The following CSMD1 variants were observed in gnomAD, a reference collection of about 807,000 sequenced individuals.
The protein encoded by CSMD1 is CUB and Sushi multiple domains 1, also known as CUB and sushi domain-containing protein 1.
A neutral mutation model predicts 417.5 loss-of-function variants in CSMD1; 213 were observed. The ratio of observed to expected loss-of-function variants is 0.51; its 90% CI spans 0.46 to 0.57. The LOEUF (loss-of-function observed/expected upper bound fraction) is 0.57. Ranked by LOEUF, CSMD1 falls within the 20% of genes least tolerant of loss-of-function variation. The pLI is 0.00. For missense variants in CSMD1, 6,923 were observed against 4,529.7 expected (o/e 1.53, Z -15.17); for synonymous variants, 2,862 against 1,736.8 (o/e 1.65, Z -16.11).
intron 2 of CSMD1, among the ~76,000 whole-genome samples, chr8:4,595,397 A>T (rs1055438719): frequency 1.9e-5 from 1 of 53,168 alleles, no homozygotes; most frequent in Admixed American, 2.1e-4. Context: ...CATTCCATCC[A>T]TCCAAATAAT....
At chr8:3,520,019 C>CATATAT (rs1491479503) in intron 10 of CSMD1, among the ~76,000 whole-genome samples, 10 of 113,960 alleles carry the variant, frequency 8.8e-5, no homozygotes, top group African/African-American at 3.2e-4. Flanking sequence ...TGTGTATATA[C>CATATAT]CTATATATAT....
intron 47 of CSMD1, 115 bp downstream of exon 47, chr8:3,096,734 G>A: frequency 1.3e-6 from 1 of 760,822 alleles, no homozygotes; most frequent in Non-Finnish European, 2.1e-6. Flanking sequence ...TTTGCTTTGG[G>A]AAAACATAAG....
At chr8:4,336,389 G>C (rs1207394754) in intron 3 of CSMD1, among the ~76,000 whole-genome samples, 2 of 152,102 alleles carry the variant, frequency 1.3e-5, no homozygotes, top group Non-Finnish European at 2.9e-5. Flanking sequence ...GACTAGGCGT[G>C]ACCCATGGCC....
intron 1 of CSMD1, among the ~76,000 whole-genome samples, chr8:4,895,884 C>T (rs1235195394): frequency 6.6e-6 from 1 of 151,966 alleles, no homozygotes; most frequent in Non-Finnish European, 1.5e-5. Context: ...TGTTACTTCC[C>T]CTGTTGTAAA....
chr8:3,373,771 G>A (rs148590152), intron 18 of CSMD1: 7 of 152,212 alleles, frequency 4.6e-5, no homozygotes, highest in African/African-American at 1.4e-4. Flanking sequence ...TGTCCTTAAT[G>A]CTATAATTTC....
chr8:3,289,737 G>T (rs1489620894), intron 25 of CSMD1, among the ~76,000 whole-genome samples: 3 of 147,310 alleles, frequency 2.0e-5, no homozygotes, highest in South Asian at 2.1e-4. Context: ...CCCTTTGTCA[G>T]ATGAGGAGGT....
intron 6 of CSMD1, among the ~76,000 whole-genome samples, chr8:3,710,758 T>G (rs531520069): frequency 6.6e-5 from 10 of 152,222 alleles, no homozygotes; most frequent in Admixed American, 2.0e-4. Context: ...CCATCTGAGA[T>G]AGGAATTATG....
intron 18 of CSMD1, among the ~76,000 whole-genome samples, chr8:3,377,429 T>C (rs541834413): frequency 2.2e-4 from 34 of 152,336 alleles, no homozygotes; most frequent in African/African-American, 7.9e-4. Flanking sequence ...CATACATTTA[T>C]ATCGACAGAC....
chr8:4,398,540 C>G (rs1804423651), intron 3 of CSMD1, among the ~76,000 whole-genome samples: 1 of 151,756 alleles, frequency 6.6e-6, no homozygotes, highest in African/African-American at 2.4e-5. Context: ...ACTACAGGCG[C>G]CCGCCACCAT....
chr8:4,570,934 G>A (rs1798863589), intron 2 of CSMD1, among the ~76,000 whole-genome samples: 1 of 152,244 alleles, frequency 6.6e-6, no homozygotes, highest in South Asian at 2.1e-4. Context: ...TTGTATAGAG[G>A]TATTTATAGT....
At chr8:3,235,615 C>T (rs761091440) in intron 26 of CSMD1, among the ~76,000 whole-genome samples, 9 of 152,186 alleles carry the variant, frequency 5.9e-5, no homozygotes, top group Non-Finnish European at 8.8e-5. Context: ...ACATTGTCAT[C>T]ATAGAGCACA....
At chr8:4,412,467 G>A (rs569857365) in intron 3 of CSMD1, among the ~76,000 whole-genome samples, 2 of 152,234 alleles carry the variant, frequency 1.3e-5, no homozygotes, top group African/African-American at 4.8e-5. Context: ...CCGGGCAGAT[G>A]CCAGTACCAC....
intron 54 of CSMD1, among the ~76,000 whole-genome samples, chr8:2,980,437 C>T (rs1440329649): frequency 6.6e-6 from 1 of 151,884 alleles, no homozygotes; most frequent in Non-Finnish European, 1.5e-5. Context: ...TTTCTTCCTC[C>T]TCCTCCTCTT....
At chr8:4,288,485 G>A (rs1797183717) in intron 3 of CSMD1, among the ~76,000 whole-genome samples, 3 of 152,120 alleles carry the variant, frequency 2.0e-5, no homozygotes, top group Non-Finnish European at 2.9e-5. Context: ...GAGGCTATGG[G>A]TAATCCCACT....
intron 1 of CSMD1, among the ~76,000 whole-genome samples, chr8:4,657,422 C>G (rs1804302575): frequency 6.6e-6 from 1 of 152,166 alleles, no homozygotes; most frequent in African/African-American, 2.4e-5. Context: ...CCTTCCCTCT[C>G]TGTCTCTCTT....
chr8:3,478,884 C>G (rs969552598), intron 11 of CSMD1, among the ~76,000 whole-genome samples: 2 of 152,140 alleles, frequency 1.3e-5, no homozygotes. Flanking sequence ...GCCCTTCGTC[C>G]CAGTAGGTGT....
At position 3,574,997 on chromosome 8, in the gene CSMD1, T is replaced by C. The variant is rs1213286849; in HGVS notation, c.1292A>G (p.Tyr431Cys). ...VITSPNYPVQYEDNAHCVWVI... is the reference protein window; with the variant it reads ...VITSPNYPVQCEDNAHCVWVI... ...CCACACACAGTGTGCATTATCTTCA[T>C]ACTGAACCGGATAATTAGGGGAGGT... The change falls in exon 10 of 70, where the codon TAT (tyrosine) becomes TGT (cysteine). Residue 431 changes from tyrosine to cysteine, a missense_variant. Tyr to Cys is a radical substitution (Grantham distance 194, BLOSUM62 -2). Transcript: ENST00000635120. 1.2e-6 allele frequency: 2 copies of C among 1,613,346 alleles called. No homozygotes were observed. The highest frequency in any genetic ancestry group is 1.7e-6 in the Non-Finnish European group (2 of 1,179,784).
chr8:3,685,231 A>T (rs1182187678), intron 7 of CSMD1, among the ~76,000 whole-genome samples: 1 of 152,238 alleles, frequency 6.6e-6, no homozygotes, highest in Admixed American at 6.5e-5. Context: ...TACACCAAAA[A>T]TAGTGACTAT....
intron 3 of CSMD1, among the ~76,000 whole-genome samples, chr8:4,117,035 G>C (rs1351031795): frequency 3.3e-5 from 5 of 151,768 alleles, no homozygotes; most frequent in South Asian, 2.1e-4. Flanking sequence ...TCTTTTCGCA[G>C]TTTGGAAACT....
Sources: allele counts gnomAD v4.1 joint callset (sites outside exome capture counted in the v4.1 genomes callset), GRCh38; gene constraint gnomAD v4.1.1; transcripts MANE v1.5; gene names NCBI Gene and HGNC (gene_info 2026-07-23, HGNC 2026-07-21).